Variants in CYRIB observed in about 807,000 individuals in gnomAD.
The protein encoded by CYRIB is CYFIP-related Rac1 interactor B.
CYRIB carries 8 observed loss-of-function variants against 44.2 expected under a neutral mutation model. The observed-to-expected ratio is 0.18, with a 90% confidence interval of 0.11 to 0.33. The LOEUF (loss-of-function observed/expected upper bound fraction) is 0.33. Among genes scored for constraint, CYRIB ranks in the 10% least tolerant of loss-of-function variants. The pLI, the probability that CYRIB is intolerant of heterozygous loss-of-function variation, is 1.00. For synonymous variants in CYRIB, 131 were observed against 127.2 expected (o/e 1.03, Z -0.20); for missense variants, 185 against 382.8 (o/e 0.48, Z 4.31).
chr8:129,847,057 AAAC>A lies in CYRIB; in HGVS notation c.841-186_841-184del. On this transcript the variant is annotated intron_variant, in intron 10 of 11. Coordinates refer to ENST00000519824, the Ensembl canonical transcript of CYRIB. ...AAGAGTTATTATTCTCACTTAGTGA[AAAC>A]AAAATCTTTTTGAGAACAAAATCAG... The A allele has an allele frequency of 6.1e-6, 3 of 488,432 alleles. No homozygotes were observed. In the South Asian group the frequency reaches 9.5e-5, roughly 16 times the overall value. The allele number at this position is 488,432 out of a possible 1,614,324, so 30.3% of individuals were successfully genotyped here. A position where few individuals can be genotyped will look rare whatever the true frequency, so the allele number is the denominator to read the frequency against.
chr8:129,931,864 T>C (rs1401446640), intron 1 of CYRIB, among the ~76,000 whole-genome samples: 1 of 152,130 alleles, frequency 6.6e-6, no homozygotes, highest in East Asian at 1.9e-4. Context: ...TGGCCTCAAG[T>C]GATTTGTCCA....
intron 5 of CYRIB, among the ~76,000 whole-genome samples, chr8:129,857,450 A>C (rs796342201): frequency 2.0e-5 from 3 of 152,306 alleles, no homozygotes; most frequent in African/African-American, 7.2e-5. Context: ...AGGAACTGCA[A>C]CACCACCAAT....
chr8:129,977,738 T>G (rs1300365637), intron 1 of CYRIB, among the ~76,000 whole-genome samples: 1 of 152,126 alleles, frequency 6.6e-6, no homozygotes, highest in Non-Finnish European at 1.5e-5. Flanking sequence ...TTCACCGTGT[T>G]AGCCAGGATG....
intron 1 of CYRIB, among the ~76,000 whole-genome samples, chr8:129,921,444 T>G (rs921580230): frequency 9.8e-5 from 15 of 152,368 alleles, no homozygotes; most frequent in African/African-American, 3.4e-4. Flanking sequence ...GATATTCACA[T>G]GGTTTCAAAG....
At chr8:129,908,124 T>C (rs188135599) in intron 1 of CYRIB, among the ~76,000 whole-genome samples, 39 of 152,088 alleles carry the variant, frequency 2.6e-4, no homozygotes, top group Middle Eastern at 3.4e-3. Flanking sequence ...TCTCAGAAAA[T>C]AGAACAAAGA....
At chr8:129,888,089 C>T (rs1261175970) in intron 2 of CYRIB, among the ~76,000 whole-genome samples, 1 of 152,086 alleles carries the variant, frequency 6.6e-6, no homozygotes, top group East Asian at 1.9e-4. Context: ...TGTGTCCCTG[C>T]CCAAATTTCA....
chr8:129,983,064 T>C (rs1027491310), intron 1 of CYRIB, among the ~76,000 whole-genome samples: 2 of 150,380 alleles, frequency 1.3e-5, no homozygotes, highest in African/African-American at 4.9e-5. Context: ...ATCCCAGCAT[T>C]TGGGGAGGCA....
chr8:129,862,627 C>T (rs2050463619), intron 4 of CYRIB, among the ~76,000 whole-genome samples: 2 of 152,150 alleles, frequency 1.3e-5, no homozygotes, highest in South Asian at 2.1e-4. Context: ...CGCGCCACCA[C>T]ACCCAGCTGA....
intron 1 of CYRIB, among the ~76,000 whole-genome samples, chr8:129,976,237 G>A (rs879398035): frequency 2.0e-5 from 3 of 151,316 alleles, no homozygotes; most frequent in Non-Finnish European, 2.9e-5. Context: ...CTATAATCCT[G>A]TTCAATTACA....
At chr8:129,905,457 T>C (rs1306038844) in intron 1 of CYRIB, among the ~76,000 whole-genome samples, 1 of 152,180 alleles carries the variant, frequency 6.6e-6, no homozygotes, top group Non-Finnish European at 1.5e-5. Flanking sequence ...GATGTCGTGA[T>C]CTGCCCACCT....
intron 1 of CYRIB, among the ~76,000 whole-genome samples, chr8:129,980,790 TG>T (rs1321694809): frequency 1.3e-5 from 2 of 151,972 alleles, no homozygotes; most frequent in Non-Finnish European, 2.9e-5. Context: ...AAGACGAGGC[TG>T]GGCAACATAG....
At chr8:130,008,781 C>T (rs1399717842) in intron 1 of CYRIB, among the ~76,000 whole-genome samples, 1 of 152,238 alleles carries the variant, frequency 6.6e-6, no homozygotes, top group Non-Finnish European at 1.5e-5. Flanking sequence ...GTCCCAGAAG[C>T]AGAGGGCAAG....
chr8:129,862,368 TAA>T (rs79017100), intron 4 of CYRIB, 34 bp from the exon 7 acceptor site: 4,443 of 1,223,956 alleles, frequency 3.6e-3, no homozygotes, highest in Middle Eastern at 4.0e-3. Context: ...TAGTTAGAGT[TAA>T]AAAAAAAAAA....
chr8:129,987,988 A>T (rs2096526041), intron 1 of CYRIB, among the ~76,000 whole-genome samples: 1 of 152,224 alleles, frequency 6.6e-6, no homozygotes, highest in Admixed American at 6.5e-5. Flanking sequence ...TCTTCAATGT[A>T]AAGTTTTTGT....
chr8:129,889,050 C>A (rs984727459), intron 2 of CYRIB, among the ~76,000 whole-genome samples: 4 of 152,052 alleles, frequency 2.6e-5, no homozygotes, highest in Non-Finnish European at 5.9e-5. Flanking sequence ...CAAGATCGCA[C>A]CACTGCACTC....
chr8:129,983,009 T>TAAAA lies in CYRIB; in HGVS notation c.-295-12018_-295-12015dup, dbSNP rs3077880. Among the ~76,000 whole-genome samples, 751 of 138,150 alleles carry TAAAA rather than the reference T, an allele frequency of 5.4e-3. 11 individuals carry two copies. Among genetic ancestry groups the TAAAA allele is most frequent in the African/African-American group, 0.019 (703 of 37,984 alleles). 90.6% of individuals were successfully genotyped at this position (138,150 alleles called of 152,430 possible). On this transcript the variant is annotated intron_variant, in intron 1 of 14. Coordinates refer to the CYRIB transcript ENST00000401979. ...ACCAATTATACCTTAGTAGAGCTGT[T>TAAAA]AAAAAAAAAAAAAAAAACACCCTTG...
chr8:129,934,450 G>A (rs2092399542), intron 1 of CYRIB, among the ~76,000 whole-genome samples: 1 of 152,092 alleles, frequency 6.6e-6, no homozygotes. Flanking sequence ...TATCATGATA[G>A]GTCATAATAT....
At chr8:130,012,776 A>T (rs902029923) in intron 1 of CYRIB, among the ~76,000 whole-genome samples, 1 of 152,200 alleles carries the variant, frequency 6.6e-6, no homozygotes, top group Non-Finnish European at 1.5e-5. Context: ...AGGAAAAAAA[A>T]AATATTGCTC....
chr8:129,987,568 CTTT>C lies in CYRIB; in HGVS notation c.-295-16576_-295-16574del, dbSNP rs34876735. 7.3e-4 allele frequency among the ~76,000 whole-genome samples: 93 copies of C among 127,016 alleles called. 3 individuals carry two copies. The highest frequency in any genetic ancestry group is 1.0e-3 in the African/African-American group (32 of 31,450). The allele number at this position is 127,016 out of a possible 152,430, so 83.3% of individuals were successfully genotyped here. On this transcript the variant is annotated intron_variant, in intron 1 of 14. Transcript: ENST00000401979. ...TTCTTTTTCTTGTCTTTTTTTTTTT[CTTT>C]TTTTTTTTTTTTTTATGAGACTGAG... is the stretch of plus-strand genomic sequence containing the variant.
Sources: allele counts gnomAD v4.1 joint callset (sites outside exome capture counted in the v4.1 genomes callset), GRCh38; gene constraint gnomAD v4.1.1; transcripts MANE v1.5; gene names NCBI Gene and HGNC (gene_info 2026-07-23, HGNC 2026-07-21).